The following BLVRB variants were observed in gnomAD, a reference collection of about 807,000 sequenced individuals.
The protein encoded by BLVRB is flavin reductase (NADPH).
Under a neutral mutation model 21.1 loss-of-function variants are expected in BLVRB, and 25 were observed. The ratio of observed to expected loss-of-function variants is 1.19; its 90% CI spans 0.86 to 1.66. BLVRB has a LOEUF of 1.66. Ranked by LOEUF, BLVRB falls within the 40% of genes most tolerant of loss-of-function variation. The pLI, the probability that BLVRB is intolerant of heterozygous loss-of-function variation, is 0.00. For synonymous variants in BLVRB, 128 were observed against 122.2 expected, an observed-to-expected ratio of 1.05 and a Z score of -0.31; for missense variants, 274 against 282.7, an observed-to-expected ratio of 0.97 and a Z score of 0.22.
intron 4 of BLVRB, among the ~76,000 whole-genome samples, chr19:40,448,638 TA>T: frequency 8.6e-6 from 1 of 116,180 alleles, no homozygotes; most frequent in South Asian, 2.5e-4. Flanking sequence ...TATATATATA[TA>T]TATATTTGTC....
chr19:40,448,315 T>A (rs2079723324), intron 4 of BLVRB, among the ~76,000 whole-genome samples: 1 of 150,574 alleles, frequency 6.6e-6, no homozygotes, highest in Non-Finnish European at 1.5e-5. Flanking sequence ...CCCTGGCCAG[T>A]GGCGGTGGCT....
intron 1 of BLVRB, among the ~76,000 whole-genome samples, chr19:40,461,662 G>C (rs779062340): frequency 3.9e-5 from 6 of 151,990 alleles, no homozygotes; most frequent in Non-Finnish European, 8.8e-5. Context: ...ACCATGCCTG[G>C]CTAATTTTTT....
intron 1 of BLVRB, among the ~76,000 whole-genome samples, chr19:40,463,674 A>T (rs1290610490): frequency 6.7e-6 from 1 of 148,668 alleles, no homozygotes; most frequent in Non-Finnish European, 1.5e-5. Flanking sequence ...GCAGTGATGC[A>T]ATCTTAGCTC....
At chr19:40,449,536 AC>A (rs2079729788) in intron 4 of BLVRB, among the ~76,000 whole-genome samples, 2 of 152,110 alleles carry the variant, frequency 1.3e-5, no homozygotes, top group African/African-American at 4.8e-5. Context: ...GTGAGCCACC[AC>A]GCTGGCCTGA....
Position 40,465,721 on chromosome 19 carries a change from G to A in BLVRB, c.-33C>T, listed in dbSNP as rs1009804725. On this transcript the variant is annotated 5_prime_UTR_variant, in exon 1 of 5. Coordinates refer to ENST00000263368, the MANE Select transcript of BLVRB (RefSeq NM_000713.3). ...GATCGTGGGGGTGCAAGGCCTCAGA[G>A]TCTCGGCACGCGCGGGAACCCACTG... The A allele has an allele frequency of 6.2e-7, 1 of 1,606,428 alleles. No homozygotes were observed.
chr19:40,460,269 T>TATATATATATATATATAAAC (rs1281133813), intron 1 of BLVRB, among the ~76,000 whole-genome samples: 1 of 140,694 alleles, frequency 7.1e-6, no homozygotes, highest in African/African-American at 2.8e-5. Flanking sequence ...TATATATATA[T>TATATATATATATATATAAAC]ATATATTTAG....
At chr19:40,457,094 T>G (rs2079765073) in intron 3 of BLVRB, among the ~76,000 whole-genome samples, 1 of 148,328 alleles carries the variant, frequency 6.7e-6, no homozygotes, top group African/African-American at 2.5e-5. Context: ...GAGGATCACT[T>G]GAACCCAGAC....
intron 1 of BLVRB, among the ~76,000 whole-genome samples, chr19:40,462,774 TCC>T (rs2079793789): frequency 6.7e-6 from 1 of 150,000 alleles, no homozygotes; most frequent in Non-Finnish European, 1.5e-5. Context: ...GCGCCTGTAG[TCC>T]CAGCTACTTG....
intron 3 of BLVRB, among the ~76,000 whole-genome samples, chr19:40,453,003 C>T (rs2079747204): frequency 6.6e-6 from 1 of 152,132 alleles, no homozygotes; most frequent in South Asian, 2.1e-4. Flanking sequence ...GCAGAGGTTG[C>T]AGTGAGCCGA....
rs1804002 is a variant in BLVRB, at chr19:40,451,417, T to C, written c.410A>G (p.Lys137Arg). The C allele has an allele frequency of 1.2e-6, 2 of 1,612,622 alleles. No individual in the cohort carries two copies. Among genetic ancestry groups the C allele is most frequent in the Admixed American group, 1.7e-5 (1 of 59,816 alleles). ...CTTCAGGCCTGATTCCCGCAGCACC[T>C]TGTGCATCCGGATGTGGTCATCAGT... ...AVTDDHIRMH[K>R]VLRESGLKYV... Residue 137 changes from lysine (K) to arginine (R), a missense_variant, in exon 4 of 5, where the codon AAG (lysine) becomes AGG (arginine). Transcript: ENST00000263368.
Position 40,461,999 on chromosome 19 carries a change from A to G in BLVRB, c.80-3454T>C, listed in dbSNP as rs576221791. On this transcript the variant is annotated intron_variant, in intron 1 of 4. Transcript: ENST00000263368. Reference sequence around the variant, plus strand: ...ACCCTGTGGGTCCAGGGACTGTGTCATGTTTTCTGCCATCTCCCTGAACCT... The same window carrying G: ...ACCCTGTGGGTCCAGGGACTGTGTCGTGTTTTCTGCCATCTCCCTGAACCT... Among the ~76,000 whole-genome samples the G allele has an allele frequency of 5.3e-5, 8 of 152,336 alleles. No homozygotes were observed. The South Asian group carries it at 8.3e-4, about 16-fold the overall frequency.
chr19:40,452,779 T>G (rs2079745659), intron 3 of BLVRB, among the ~76,000 whole-genome samples: 1 of 151,928 alleles, frequency 6.6e-6, no homozygotes, highest in South Asian at 2.1e-4. Context: ...GCTGGAGAAT[T>G]GCTGGAACCC....
In BLVRB at chr19:40,458,405, G is replaced by A. The variant is rs1061197; in HGVS notation, c.220C>T (p.Leu74=). The change falls in exon 2 of 5, where the codon CTG becomes TTG. Residue 74 remains leucine (L), a synonymous_variant. Coordinates refer to ENST00000263368, the MANE Select transcript of BLVRB (RefSeq NM_000713.3). ...CTGAGGTCATTGCGGGTGCCCAGCA[G>A]CACGATGACAGCGTCCTGCCCAGCC... The part of the protein sequence containing the change: ...TVAGQDAVIV[L]LGTRNDLSPT... 0.11 allele frequency: 182,775 copies of A among 1,589,670 alleles called. 10,937 individuals carry two copies. Among genetic ancestry groups the A allele is most frequent in the South Asian group, 0.14 (12,131 of 87,408 alleles).
At chr19:40,451,316 G>T in intron 4 of BLVRB, 48 bp downstream of exon 4, 1 of 1,575,906 alleles carries the variant, frequency 6.3e-7, no homozygotes, top group South Asian at 1.2e-5. Context: ...GAGGGCAGGA[G>T]GGAACAGGCA....
intron 1 of BLVRB, among the ~76,000 whole-genome samples, chr19:40,463,582 C>G (rs1436151640): frequency 7.0e-6 from 1 of 143,320 alleles, no homozygotes; most frequent in South Asian, 2.4e-4. Flanking sequence ...TTCCCTCCCT[C>G]CCTCCCTCCA....
In BLVRB at chr19:40,447,883, A is replaced by G. The variant is rs1282368690; in HGVS notation, c.*6T>C. Reference sequence around the variant, plus strand: ...GAATGCCACCCTCCCAGATGGGGACAGAGTGCTACTGGTACTGGTGGGAGG... The same window carrying G: ...GAATGCCACCCTCCCAGATGGGGACGGAGTGCTACTGGTACTGGTGGGAGG... On this transcript the variant is annotated 3_prime_UTR_variant, in exon 5 of 5. Transcript: ENST00000263368. 6 of 1,611,564 alleles carry G rather than the reference A, an allele frequency of 3.7e-6. No individual in the cohort carries two copies. Among genetic ancestry groups the G allele is most frequent in the Non-Finnish European group, 5.1e-6 (6 of 1,178,096 alleles).
At chr19:40,460,105 C>T (rs927632255) in intron 1 of BLVRB, among the ~76,000 whole-genome samples, 2 of 151,774 alleles carry the variant, frequency 1.3e-5, no homozygotes, top group African/African-American at 4.8e-5. Flanking sequence ...ATGTTCCTTC[C>T]CAAAATAATT....
At chr19:40,464,583 TTC>T (rs759014262) in intron 1 of BLVRB, among the ~76,000 whole-genome samples, 3 of 152,278 alleles carry the variant, frequency 2.0e-5, no homozygotes, top group African/African-American at 4.8e-5. Flanking sequence ...GCCTCTCAAC[TTC>T]TCTCTCTTAC....
chr19:40,458,237 C>A lies in BLVRB; in HGVS notation c.252G>T (p.Thr84=), dbSNP rs142505402. 118 of 1,520,562 alleles carry A rather than the reference C, an allele frequency of 7.8e-5. 4 individuals are homozygous for A. In the South Asian group the frequency reaches 1.3e-3, roughly 16 times the overall value. The allele number at this position is 1,520,562 out of a possible 1,614,324, so 94.2% of individuals were successfully genotyped here. A position where few individuals can be genotyped will look rare whatever the true frequency, so the allele number is the denominator to read the frequency against. Residue 84 remains threonine, a synonymous_variant, in exon 3 of 5, where the codon ACG becomes ACT. Coordinates refer to ENST00000263368, the MANE Select transcript of BLVRB (RefSeq NM_000713.3). ...LLGTRNDLSP[T]TVMSEGARNI... ...TCCGGGCGCCCTCGGACATCACTGT[C>A]GTGGGACCTTAGAGGGGACAGAGAG... is the stretch of plus-strand genomic sequence containing the variant.
Sources: gnomAD v4.1 joint callset for allele counts (sites outside exome capture counted in the v4.1 genomes callset) on GRCh38, gnomAD v4.1.1 for gene constraint, MANE v1.5 for transcripts, NCBI Gene and HGNC (gene_info 2026-07-23, HGNC 2026-07-21) for gene names.